Variants in CELF2 observed in about 807,000 individuals in gnomAD.
CELF2 encodes CUGBP Elav-like family member 2.
A neutral mutation model predicts 62.6 loss-of-function variants in CELF2; 8 were observed. The observed-to-expected ratio is 0.13, with a 90% CI of 0.07 to 0.23. The LOEUF is 0.23. Ranked by LOEUF, CELF2 falls within the 10% of genes least tolerant of loss-of-function variation. CELF2 has a pLI of 1.00. For synonymous variants in CELF2, 258 were observed against 250.0 expected (o/e 1.03, Z -0.30); for missense variants, 333 against 671.0 (o/e 0.50, Z 5.56).
intron 1 of CELF2, among the ~76,000 whole-genome samples, chr10:11,161,742 C>T (rs1334537745): frequency 6.6e-6 from 1 of 152,128 alleles, no homozygotes; most frequent in African/African-American, 2.4e-5. Context: ...GAGAAGCAAG[C>T]TAGTCTGATT....
At chr10:11,025,832 C>T (rs1031884235) in intron 1 of CELF2, among the ~76,000 whole-genome samples, 6 of 152,234 alleles carry the variant, frequency 3.9e-5, no homozygotes, top group Non-Finnish European at 5.9e-5. Context: ...AAAAAAGTCT[C>T]AGGACTGTAT....
the CELF2 span, among the ~76,000 whole-genome samples, chr10:10,516,821 C>A: frequency 6.6e-6 from 1 of 152,030 alleles, no homozygotes; most frequent in African/African-American, 2.4e-5. Context: ...AAGGGGGAGA[C>A]AAGTCCCTTT....
chr10:11,245,512 C>G (rs138538829), intron 3 of CELF2, among the ~76,000 whole-genome samples: 2 of 152,286 alleles, frequency 1.3e-5, no homozygotes, highest in African/African-American at 4.8e-5. Flanking sequence ...GTCTGACAAT[C>G]CACGGCTCTG....
intron 1 of CELF2, among the ~76,000 whole-genome samples, chr10:11,139,120 C>T (rs1433151097): frequency 1.3e-5 from 2 of 152,126 alleles, no homozygotes; most frequent in Non-Finnish European, 2.9e-5. Flanking sequence ...TTCAGCCGCC[C>T]TGTATAAAGA....
the CELF2 span, among the ~76,000 whole-genome samples, chr10:10,744,985 C>T: frequency 6.6e-6 from 1 of 151,994 alleles, no homozygotes; most frequent in Admixed American, 6.6e-5. Context: ...CAGTATATAA[C>T]CAGAGCTTTA....
intron 1 of CELF2, among the ~76,000 whole-genome samples, chr10:10,881,548 A>C (rs1013929281): frequency 6.6e-6 from 1 of 152,190 alleles, no homozygotes; most frequent in Non-Finnish European, 1.5e-5. Context: ...AGCATCCTGA[A>C]ACATTTTTCA....
the CELF2 span, among the ~76,000 whole-genome samples, chr10:10,517,137 C>T: frequency 5.9e-5 from 9 of 152,100 alleles, no homozygotes; most frequent in Non-Finnish European, 1.0e-4. Context: ...TTACTCTATG[C>T]AATTTATCTC....
chr10:10,992,600 C>T (rs184950085), intron 2 of CELF2, among the ~76,000 whole-genome samples: 1 of 152,200 alleles, frequency 6.6e-6, no homozygotes, highest in East Asian at 1.9e-4. Flanking sequence ...GAAGTATATT[C>T]AAGGTTTGGA....
the CELF2 span, among the ~76,000 whole-genome samples, chr10:10,617,336 T>G: frequency 6.6e-6 from 1 of 152,154 alleles, no homozygotes; most frequent in Non-Finnish European, 1.5e-5. Context: ...TACCACATTG[T>G]GAACCCCATT....
At chr10:10,712,290 C>A in the CELF2 span, among the ~76,000 whole-genome samples, 1 of 151,884 alleles carries the variant, frequency 6.6e-6, no homozygotes, top group Non-Finnish European at 1.5e-5. Context: ...CCTCAGAAGA[C>A]ACAAGAACGT....
At chr10:11,326,953 G>A (rs1012273862) in intron 12 of CELF2, among the ~76,000 whole-genome samples, 1 of 152,184 alleles carries the variant, frequency 6.6e-6, no homozygotes, top group Admixed American at 6.5e-5. Context: ...GGCTGGTAAT[G>A]AGTAATCAGG....
At chr10:10,687,419 C>A in the CELF2 span, among the ~76,000 whole-genome samples, 2 of 152,132 alleles carry the variant, frequency 1.3e-5, no homozygotes, top group Non-Finnish European at 2.9e-5. Context: ...ATTGAACGAA[C>A]CTAATGAAAA....
chr10:10,806,187 CAG>C (rs995089774), intron 1 of CELF2, among the ~76,000 whole-genome samples: 1 of 146,186 alleles, frequency 6.8e-6, no homozygotes, highest in African/African-American at 2.5e-5. Context: ...ATGGGAGACA[CAG>C]GGGTTCCAGT....
chr10:10,975,548 T>C (rs1006879947), intron 2 of CELF2, among the ~76,000 whole-genome samples: 15 of 152,246 alleles, frequency 9.9e-5, no homozygotes, highest in Admixed American at 9.8e-4. Context: ...TAATCTTCCT[T>C]ACTTCTACAA....
At chr10:10,959,346 G>A (rs763999860) in intron 2 of CELF2, among the ~76,000 whole-genome samples, 1 of 152,156 alleles carries the variant, frequency 6.6e-6, no homozygotes, top group East Asian at 1.9e-4. Context: ...TGAGGAATCT[G>A]TGCTTATCAG....
chr10:10,755,149 G>A, the CELF2 span, among the ~76,000 whole-genome samples: 1 of 152,164 alleles, frequency 6.6e-6, no homozygotes, highest in Non-Finnish European at 1.5e-5. Context: ...ATCTCAAAAT[G>A]TCATAAAAAA....
At chr10:11,325,813 C>CT in intron 11 of CELF2, 23 bp from the exon 12 acceptor site, 1 of 1,571,566 alleles carries the variant, frequency 6.4e-7, no homozygotes, top group Non-Finnish European at 8.6e-7. Context: ...ATACCTTACT[C>CT]TGACTTTTTT....
In CELF2 at chr10:11,177,072, C is replaced by T. The variant is rs1209434297; in HGVS notation, c.271+11390C>T. On this transcript the variant is annotated intron_variant, in intron 2 of 12. Transcript: ENST00000633077. This position sits in a 1 kb window ranked among gnomAD's most constrained non-coding sequence, Gnocchi z 4.8. ...TTGCAGAAGCCTATATAGGGTGGCT[C>T]ATTTGGACGAAGTATTGTTAAGGTG... Among the ~76,000 whole-genome samples the T allele has an allele frequency of 6.6e-6, 1 of 152,252 alleles. No individual in the cohort carries two copies. The highest frequency in any genetic ancestry group is 1.5e-5 in the Non-Finnish European group (1 of 68,024).
At chr10:10,830,354 A>G (rs903706464) in intron 1 of CELF2, among the ~76,000 whole-genome samples, 3 of 151,872 alleles carry the variant, frequency 2.0e-5, no homozygotes, top group Non-Finnish European at 2.9e-5. Context: ...TTTATAGCAG[A>G]CTGTTAGAAT....
Sources: allele counts gnomAD v4.1 joint callset (sites outside exome capture counted in the v4.1 genomes callset), GRCh38; gene constraint gnomAD v4.1.1; non-coding constraint Gnocchi (gnomAD v3.1); transcripts MANE v1.5; gene names NCBI Gene and HGNC (gene_info 2026-07-23, HGNC 2026-07-21).